HMCN2: variants seen among roughly 807,000 people sequenced by gnomAD.
HMCN2 encodes hemicentin 2, also known as hemicentin-2.
Under a neutral mutation model 377.5 loss-of-function variants are expected in HMCN2, and 325 were observed. The ratio of observed to expected loss-of-function variants is 0.86; its 90% CI spans 0.79 to 0.94. The LOEUF (loss-of-function observed/expected upper bound fraction) is 0.94, where lower values mean the gene tolerates loss of function less well. HMCN2 is among the 40% of genes least tolerant of loss of function. The pLI, the probability that HMCN2 is intolerant of heterozygous loss-of-function variation, is 0.00. For synonymous variants in HMCN2, 2,007 were observed against 2,046.8 expected, an observed-to-expected ratio of 0.98 and a Z score of 0.53; for missense variants, 4,543 against 4,725.3, an observed-to-expected ratio of 0.96 and a Z score of 1.13.
In HMCN2 at chr9:130,303,954, G is replaced by A. The variant is rs1207404826; in HGVS notation, c.1543+346G>A. On this transcript the variant is annotated intron_variant, in intron 10 of 97. Coordinates refer to ENST00000683500, the MANE Select transcript of HMCN2 (RefSeq NM_001291815.2). The surrounding 1 kb of genome is among the most constrained non-coding windows in gnomAD (Gnocchi z 5.2). ...GCCTCCAAGTCCCGGCCAGGATGGC[G>A]CCATCGAGCTGGGGAGGTTGGATAC... 2.6e-5 allele frequency among the ~76,000 whole-genome samples: 4 copies of A among 152,342 alleles called. No individual in the cohort carries two copies. The highest frequency in any genetic ancestry group is 4.8e-5 in the African/African-American group (2 of 41,582).
chr9:130,360,441 CA>C lies in HMCN2; in HGVS notation c.5789del (p.Lys1930ArgfsTer12). On this transcript the variant is annotated frameshift_variant, in exon 38 of 98. Coordinates refer to ENST00000683500, the MANE Select transcript of HMCN2 (RefSeq NM_001291815.2). LOFTEE classifies it high-confidence loss of function. The surrounding 1 kb of genome is among the most constrained non-coding windows in gnomAD (Gnocchi z 4.7). ...GVPPPDVSWF[K>X]GHQPVSSWMG... ...TCCTTTCCCCAGATGTCTCCTGGTTCAAGGGCCACCAACCTGTCTCTTCATG... is the reference window on the plus strand; with the variant it reads ...TCCTTTCCCCAGATGTCTCCTGGTTCAGGGCCACCAACCTGTCTCTTCATG... 7.7e-7 allele frequency: 1 copy of C among 1,299,338 alleles called. No individual in the cohort carries two copies. Among genetic ancestry groups the C allele is most frequent in the Non-Finnish European group, 1.0e-6 (1 of 985,988 alleles). 80.5% of individuals were successfully genotyped at this position (1,299,338 alleles called of 1,614,324 possible).
At chr9:130,305,546 A>C (rs2131348365) in intron 11 of HMCN2, among the ~76,000 whole-genome samples, 1 of 152,272 alleles carries the variant, frequency 6.6e-6, no homozygotes, top group South Asian at 2.1e-4. Flanking sequence ...GCGGCTCTTG[A>C]GTGGCTGCCA....
At chr9:130,392,912 C>T (rs374848523) in intron 66 of HMCN2, among the ~76,000 whole-genome samples, 7 of 151,860 alleles carry the variant, frequency 4.6e-5, no homozygotes, top group Non-Finnish European at 8.8e-5. Context: ...AGGAGAATGG[C>T]GTGAACCCGG....
intron 29 of HMCN2, among the ~76,000 whole-genome samples, chr9:130,350,646 GGAGGCT>G (rs1839660119): frequency 6.6e-6 from 1 of 151,984 alleles, no homozygotes; most frequent in South Asian, 2.1e-4. Context: ...CAGCACTTTG[GGAGGCT>G]GAGGTGGGCA....
intron 85 of HMCN2, among the ~76,000 whole-genome samples, chr9:130,415,816 G>C (rs890114329): frequency 6.6e-6 from 1 of 152,158 alleles, no homozygotes; most frequent in Admixed American, 6.5e-5. Flanking sequence ...TTGCTGGCTG[G>C]GTCCCTGCTC....
Position 130,388,505 on chromosome 9 carries a change from C to A in HMCN2, c.9488C>A (p.Pro3163His). The change falls in exon 62 of 98, where the codon CCC becomes CAC. Residue 3163 changes from proline to histidine, a missense_variant. Physicochemically the swap from Pro to His is moderately conservative, Grantham distance 77. This residue lies in a region of HMCN2 where 736 missense variants were observed against 773.2 expected (regional missense o/e 0.95). Coordinates refer to ENST00000683500, the MANE Select transcript of HMCN2 (RefSeq NM_001291815.2). ...LTCDVSGVPA[P>H]TVTWLKDRMP... ...TGTGATGTGTCCGGGGTCCCTGCAC[C>A]CACGGTCACTTGGCTGAAGGACAGG... The A allele has an allele frequency of 1.0e-6, 1 of 988,070 alleles. No homozygotes were observed. Among genetic ancestry groups the A allele is most frequent in the Non-Finnish European group, 1.2e-6 (1 of 830,130 alleles). 61.2% of individuals were successfully genotyped at this position (988,070 alleles called of 1,614,324 possible). A position where few individuals can be genotyped will look rare whatever the true frequency, so the allele number is the denominator to read the frequency against.
At chr9:130,405,125 C>T (rs961972791) in intron 81 of HMCN2, 66 bp downstream of exon 81, 19 of 1,108,070 alleles carry the variant, frequency 1.7e-5, no homozygotes, top group South Asian at 9.6e-5. Context: ...TCATGCTCTG[C>T]GCTGAGCACT....
intron 97 of HMCN2, chr9:130,433,049 G>A (rs1335865225): frequency 7.0e-6 from 3 of 427,056 alleles, no homozygotes; most frequent in African/African-American, 2.1e-5. Context: ...GGGTGACTTG[G>A]CCCAGGGGCA....
chr9:130,356,558 C>T (rs192767425), intron 34 of HMCN2, among the ~76,000 whole-genome samples: 59 of 152,362 alleles, frequency 3.9e-4, no homozygotes, highest in Admixed American at 9.8e-4. Flanking sequence ...CTCTTGTCTT[C>T]GTCTACGTTT....
intron 1 of HMCN2, among the ~76,000 whole-genome samples, chr9:130,277,260 C>A (rs1588156909): frequency 6.6e-6 from 1 of 152,228 alleles, no homozygotes; most frequent in South Asian, 2.1e-4. Flanking sequence ...TGAGTGGAGC[C>A]AAGGTCACGG....
intron 19 of HMCN2, among the ~76,000 whole-genome samples, chr9:130,323,214 T>C (rs1228979206): frequency 1.3e-5 from 2 of 152,184 alleles, no homozygotes; most frequent in African/African-American, 4.8e-5. Context: ...TCAGCAAATA[T>C]TTATGGGCCT....
chr9:130,366,070 C>A, intron 43 of HMCN2, 75 bp downstream of exon 43: 1 of 969,298 alleles, frequency 1.0e-6, no homozygotes, highest in Non-Finnish European at 1.2e-6. Flanking sequence ...CCACTGGTTA[C>A]CCCCACCCCA....
intron 27 of HMCN2, 119 bp from the exon 28 acceptor site, chr9:130,348,865 G>C (rs1183443804): frequency 1.7e-6 from 2 of 1,204,926 alleles, no homozygotes; most frequent in Admixed American, 2.6e-5. Flanking sequence ...CTGCGTGGCA[G>C]AGAGCATGGC....
chr9:130,419,837 G>C (rs747562478), intron 86 of HMCN2, among the ~76,000 whole-genome samples: 1 of 152,124 alleles, frequency 6.6e-6, no homozygotes, highest in Non-Finnish European at 1.5e-5. Context: ...AATTGGAATT[G>C]GGACTTGACA....
rs1321520272 is a variant in HMCN2, at chr9:130,393,520, G to A, written c.10234+211G>A. ...ACTCTGGTATGCCCAGGATAGGCGG[G>A]GGCAGAGAGGCAGGAAGCAGCTCAG... On this transcript the variant is annotated intron_variant, in intron 67 of 97. Transcript: ENST00000683500. This position sits in a 1 kb window ranked among gnomAD's most constrained non-coding sequence, Gnocchi z 5.2. Among the ~76,000 whole-genome samples the A allele has an allele frequency of 2.0e-5, 3 of 152,202 alleles. No homozygotes were observed. The highest frequency in any genetic ancestry group is 4.4e-5 in the Non-Finnish European group (3 of 68,024).
At chr9:130,373,707 A>ATGGATGGATGGATGGATGGATG (rs1354843791) in intron 48 of HMCN2, among the ~76,000 whole-genome samples, 3 of 115,352 alleles carry the variant, frequency 2.6e-5, no homozygotes, top group Admixed American at 8.7e-5. Context: ...ATGGATAGGT[A>ATGGATGGATGGATGGATGGATG]GATGGATGGA....
chr9:130,397,762 A>T, intron 74 of HMCN2, 107 bp downstream of exon 74: 1 of 1,065,728 alleles, frequency 9.4e-7, no homozygotes, highest in Non-Finnish European at 1.2e-6. Context: ...ATGGTCTTCA[A>T]ATGTTTTTGA....
intron 15 of HMCN2, among the ~76,000 whole-genome samples, chr9:130,312,997 A>G (rs943411097): frequency 0.92 from 139,865 of 152,160 alleles, 64,663 homozygotes; most frequent in East Asian, 0.98. Flanking sequence ...CTGAGTGTCC[A>G]CCTAGACCTG....
rs1037729040 is a variant in HMCN2, at chr9:130,396,169, C to T, written c.11054C>T (p.Thr3685Met). The change falls in exon 73 of 98, where the codon ACG (threonine) becomes ATG (methionine). Residue 3685 changes from threonine (T) to methionine (M), a missense_variant and splice_region_variant. This residue lies in a region of HMCN2 where 1,073 missense variants were observed against 1,319.5 expected (regional missense o/e 0.81). Coordinates refer to ENST00000683500, the MANE Select transcript of HMCN2 (RefSeq NM_001291815.2). Reference sequence around the variant, plus strand: ...CCACTCCCTCTGTGCCCCTCCCCAGCGGTGCCCACCATCCGGTCAGGACCA... The same window carrying T: ...CCACTCCCTCTGTGCCCCTCCCCAGTGGTGCCCACCATCCGGTCAGGACCA... Reference protein sequence around the residue: ...TSVAFRVEIHTVPTIRSGPPA... With the variant: ...TSVAFRVEIHMVPTIRSGPPA... The T allele has an allele frequency of 1.7e-5, 22 of 1,270,358 alleles. No homozygotes were observed. The highest frequency in any genetic ancestry group is 7.5e-5 in the South Asian group (6 of 80,294). The allele number at this position is 1,270,358 out of a possible 1,614,324, so 78.7% of individuals were successfully genotyped here. A position where few individuals can be genotyped will look rare whatever the true frequency, so the allele number is the denominator to read the frequency against.
Sources: gnomAD v4.1 joint callset for allele counts (sites outside exome capture counted in the v4.1 genomes callset) on GRCh38, gnomAD v4.1.1 for gene constraint, gnomAD v4.1.1 regional missense constraint, Gnocchi (gnomAD v3.1) non-coding constraint, MANE v1.5 for transcripts, NCBI Gene and HGNC (gene_info 2026-07-23, HGNC 2026-07-21) for gene names.